Variants in STK32C observed in about 807,000 individuals in gnomAD.
The protein encoded by STK32C is serine/threonine kinase 32C.
Under a neutral mutation model 56.5 loss-of-function variants are expected in STK32C, and 31 were observed. That is an observed-to-expected ratio of 0.55 (90% confidence interval 0.41 to 0.74). The LOEUF (loss-of-function observed/expected upper bound fraction) is 0.74. Ranked by LOEUF, STK32C falls within the 30% of genes least tolerant of loss-of-function variation. The pLI, the probability that STK32C is intolerant of heterozygous loss-of-function variation, is 0.00. For missense variants in STK32C, 544 were observed against 676.9 expected (o/e 0.80, Z 2.18); for synonymous variants, 309 against 289.4 (o/e 1.07, Z -0.69).
Position 132,307,670 on chromosome 10 carries a change from G to A in STK32C, c.164C>T (p.Pro55Leu). The change falls in exon 1 of 12, where the codon CCG (proline) becomes CTG (leucine). Residue 55 changes from proline to leucine, a missense_variant. Around this residue, in one of 3 missense-constraint regions of STK32C, gnomAD observed 182 missense variants for 217.7 expected, o/e 0.84. Coordinates refer to ENST00000298630, the MANE Select transcript of STK32C (RefSeq NM_173575.4). The surrounding 1 kb of genome is among the most constrained non-coding windows in gnomAD (Gnocchi z 4.4). ...CTTGCTCCACTGAAACAGGGGGCGC[G>A]GCTGCGAGCGGACATCGCCCGAGTC... The part of the protein sequence containing the change: ...ARDSGDVRSQ[P>L]RPLFQWSKWK... 2 of 1,531,780 alleles carry A rather than the reference G, an allele frequency of 1.3e-6. No individual in the cohort carries two copies. The highest frequency in any genetic ancestry group is 1.8e-6 in the Non-Finnish European group (2 of 1,141,408). The allele number at this position is 1,531,780 out of a possible 1,614,324, so 94.9% of individuals were successfully genotyped here.
At chr10:132,331,874 CAGGCG>C, upstream of STK32C, 5 of 1,239,160 alleles carry the variant, frequency 4.0e-6, no homozygotes, top group Non-Finnish European at 5.6e-6. Flanking sequence ...CGTGCGTGCG[CAGGCG>C]CACCACCCCC....
In STK32C at chr10:132,208,099, T is replaced by G; in HGVS notation, c.1372A>C (p.Arg458=). 1.5e-6 allele frequency: 2 copies of G among 1,311,294 alleles called. No individual in the cohort carries two copies. The highest frequency in any genetic ancestry group is 3.2e-5 in the South Asian group (1 of 31,530). The allele number at this position is 1,311,294 out of a possible 1,614,324, so 81.2% of individuals were successfully genotyped here. A position where few individuals can be genotyped will look rare whatever the true frequency, so the allele number is the denominator to read the frequency against. Residue 458 remains arginine, a synonymous_variant, in exon 12 of 12, where the codon AGG becomes CGG. Coordinates refer to ENST00000298630, the MANE Select transcript of STK32C (RefSeq NM_173575.4). ...TCCTCCACAGGCTCCGCAGCATCCC[T>G]GGACTCAGGGGCGGGGAGAGGCTCC... ...PREPLPAPES[R]DAAEPVEDEA... is the part of the protein sequence containing the mutation.
intron 1 of STK32C, among the ~76,000 whole-genome samples, chr10:132,291,883 T>C (rs924371471): frequency 6.6e-6 from 1 of 152,084 alleles, no homozygotes; most frequent in Middle Eastern, 3.2e-3. Context: ...CCTCCTGCCC[T>C]GGCAAGCCTG....
intron 2 of STK32C, among the ~76,000 whole-genome samples, chr10:132,244,562 C>T (rs2063619370): frequency 6.6e-6 from 1 of 152,242 alleles, no homozygotes; most frequent in South Asian, 2.1e-4. Flanking sequence ...CTCTGCCCCT[C>T]AGATGCCCTC....
At chr10:132,251,136 G>A (rs2063889971) in intron 1 of STK32C, among the ~76,000 whole-genome samples, 1 of 152,190 alleles carries the variant, frequency 6.6e-6, no homozygotes, top group Admixed American at 6.5e-5. Context: ...CGGCCTGGGG[G>A]TCTAGGAGCC....
chr10:132,307,898 G>C lies in STK32C; in HGVS notation c.-65C>G, dbSNP rs917695978. ...ATGGCCGGCCGGCAGGGCCGGGAGC[G>C]GCAGTGGTAGCGGGAGCGCTCGGGG... On this transcript the variant is annotated 5_prime_UTR_variant, in exon 1 of 12. Coordinates refer to ENST00000298630, the MANE Select transcript of STK32C (RefSeq NM_173575.4). This position sits in a 1 kb window ranked among gnomAD's most constrained non-coding sequence, Gnocchi z 4.4. 104 of 1,127,278 alleles carry C rather than the reference G, an allele frequency of 9.2e-5. No homozygotes were observed. Among genetic ancestry groups the C allele is most frequent in the Non-Finnish European group, 8.9e-5 (82 of 916,428 alleles). The allele number at this position is 1,127,278 out of a possible 1,614,324, so 69.8% of individuals were successfully genotyped here. A position where few individuals can be genotyped will look rare whatever the true frequency, so the allele number is the denominator to read the frequency against.
exon 2 of STK32C, chr10:132,324,173 T>G: frequency 1.3e-6 from 1 of 767,092 alleles, no homozygotes; most frequent in South Asian, 1.4e-5. Flanking sequence ...AGTCTGAGTC[T>G]CCCTGGGTAC....
intron 2 of STK32C, among the ~76,000 whole-genome samples, chr10:132,236,853 G>A (rs1044392864): frequency 1.3e-5 from 2 of 152,150 alleles, no homozygotes; most frequent in African/African-American, 2.4e-5. Flanking sequence ...CTGTGGACCC[G>A]ACAAACGTGT....
intron 1 of STK32C, among the ~76,000 whole-genome samples, chr10:132,268,927 C>G (rs1285411314): frequency 2.8e-5 from 4 of 141,668 alleles, no homozygotes; most frequent in Non-Finnish European, 6.0e-5. Flanking sequence ...AGGTTCAGCT[C>G]TATGCCTGTG....
upstream of STK32C, chr10:132,331,863 G>A (rs747445342): frequency 4.4e-6 from 6 of 1,352,072 alleles, no homozygotes; most frequent in East Asian, 2.4e-5. Flanking sequence ...ACCGTTGGCC[G>A]CGTGCGTGCG....
At chr10:132,242,826 T>A (rs995619421) in intron 2 of STK32C, among the ~76,000 whole-genome samples, 2 of 152,250 alleles carry the variant, frequency 1.3e-5, no homozygotes, top group African/African-American at 2.4e-5. Flanking sequence ...GACCTGGCTC[T>A]CAGCCTCAGA....
chr10:132,308,165 G>C (rs12268135), upstream of STK32C, among the ~76,000 whole-genome samples: 38,949 of 150,202 alleles, frequency 0.26, 5,454 homozygotes, highest in Middle Eastern at 0.33. Context: ...TCGCTAGGGA[G>C]TGGGTGGCCG....
chr10:132,256,403 C>A (rs1190185999), intron 1 of STK32C, among the ~76,000 whole-genome samples: 1 of 152,178 alleles, frequency 6.6e-6, no homozygotes, highest in Non-Finnish European at 1.5e-5. Flanking sequence ...GGATCCTGGT[C>A]CTGTCTGGTC....
chr10:132,211,891 C>T (rs1383525940), intron 10 of STK32C, among the ~76,000 whole-genome samples: 1 of 152,094 alleles, frequency 6.6e-6, no homozygotes, highest in African/African-American at 2.4e-5. Flanking sequence ...TCTCCCATCC[C>T]GAGAAGGGCG....
chr10:132,268,310 T>C (rs1445453719), intron 1 of STK32C, among the ~76,000 whole-genome samples: 10 of 147,196 alleles, frequency 6.8e-5, no homozygotes, highest in East Asian at 4.1e-4. Flanking sequence ...TCTCTCACAT[T>C]GTGTATGTGT....
intron 1 of STK32C, among the ~76,000 whole-genome samples, chr10:132,324,973 T>A (rs1361062396): frequency 6.6e-6 from 1 of 152,222 alleles, no homozygotes; most frequent in African/African-American, 2.4e-5. Context: ...TCTAAAGACC[T>A]GGAATCAATC....
At chr10:132,311,703 C>T (rs1185969025), upstream of STK32C, among the ~76,000 whole-genome samples, 1 of 152,224 alleles carries the variant, frequency 6.6e-6, no homozygotes, top group Non-Finnish European at 1.5e-5. This position sits in a 1 kb window ranked among gnomAD's most constrained non-coding sequence, Gnocchi z 4.4. Flanking sequence ...CCCCTGCTGC[C>T]ACCATCATCA....
intron 1 of STK32C, among the ~76,000 whole-genome samples, chr10:132,256,066 G>A (rs1432528368): frequency 5.3e-5 from 8 of 152,220 alleles, no homozygotes; most frequent in Non-Finnish European, 1.0e-4. Flanking sequence ...GCCTCGGGGA[G>A]CCAACTGGGG....
Position 132,210,606 on chromosome 10 carries a change from C to T in STK32C, c.1252-1505G>A, listed in dbSNP as rs562271168. On this transcript the variant is annotated intron_variant, in intron 10 of 11. Coordinates refer to ENST00000298630, the MANE Select transcript of STK32C (RefSeq NM_173575.4). ...CAAGTACTCTGGACACCCTGTAAAC[C>T]CACGAACAGAGTGTGGGAGATGCAG... 1.4e-4 allele frequency among the ~76,000 whole-genome samples: 21 copies of T among 152,368 alleles called. 1 individual carries two copies. In the South Asian group the frequency reaches 4.1e-3, roughly 30 times the overall value.
Sources: allele counts gnomAD v4.1 joint callset (sites outside exome capture counted in the v4.1 genomes callset), GRCh38; gene constraint gnomAD v4.1.1; regional missense constraint gnomAD v4.1.1; non-coding constraint Gnocchi (gnomAD v3.1); transcripts MANE v1.5; gene names NCBI Gene and HGNC (gene_info 2026-07-23, HGNC 2026-07-21).